FLNB: variants seen among roughly 807,000 people sequenced by gnomAD.
FLNB encodes filamin B, also known as filamin-B.
Under a neutral mutation model 250.6 loss-of-function variants are expected in FLNB, and 111 were observed. The ratio of observed to expected loss-of-function variants is 0.44; its 90% CI spans 0.38 to 0.52. The LOEUF (loss-of-function observed/expected upper bound fraction) is 0.52. Among genes scored for constraint, FLNB ranks in the 20% least tolerant of loss-of-function variants. The pLI, the probability that FLNB is intolerant of heterozygous loss-of-function variation, is 0.00. For missense variants in FLNB, 2,869 were observed against 3,447.8 expected (o/e 0.83, Z 4.20); for synonymous variants, 1,302 against 1,372.1 (o/e 0.95, Z 1.13).
intron 1 of FLNB, among the ~76,000 whole-genome samples, chr3:58,065,116 G>A (rs2097183698): frequency 6.6e-6 from 1 of 152,200 alleles, no homozygotes; most frequent in South Asian, 2.1e-4. Context: ...CAAGGGGACT[G>A]TGCTCTGTGT....
chr3:58,098,553 G>A (rs2097243163), intron 7 of FLNB, among the ~76,000 whole-genome samples, 158 bp from the exon 8 acceptor site: 1 of 152,044 alleles, frequency 6.6e-6, no homozygotes, highest in Non-Finnish European at 1.5e-5. Flanking sequence ...GGCTGGTCTC[G>A]AAATCCTGAC....
intron 1 of FLNB, 87 bp downstream of exon 1, chr3:58,008,943 C>T: frequency 6.6e-7 from 1 of 1,515,226 alleles, no homozygotes; most frequent in Non-Finnish European, 9.1e-7. Flanking sequence ...GGATTTCCCG[C>T]AGCGCGCCCC....
At position 58,123,365 on chromosome 3, in the gene FLNB, C is replaced by G. The variant is rs145697837; in HGVS notation, c.3399C>G (p.Pro1133=). 6 of 1,614,186 alleles carry G rather than the reference C, an allele frequency of 3.7e-6. No individual in the cohort carries two copies. The highest frequency in any genetic ancestry group is 5.1e-6 in the Non-Finnish European group (6 of 1,180,026). ...CTGACATTGAAATGCCCTTTGACCC[C>G]TCTAAAGTCGTGGCATCGGGGCCAG... ...FKADIEMPFD[P]SKVVASGPGL... The change falls in exon 21 of 46, where the codon CCC becomes CCG. Residue 1133 remains proline, a synonymous_variant. Transcript: ENST00000295956.
In FLNB at chr3:58,170,610, A is replaced by C. The variant is rs1559746835; in HGVS notation, c.7657A>C (p.Thr2553Pro). 1 of 1,614,032 alleles carries C rather than the reference A, an allele frequency of 6.2e-7. No individual in the cohort carries two copies. The highest frequency in any genetic ancestry group is 2.2e-5 in the East Asian group (1 of 44,874). The change falls in exon 46 of 46, where the codon ACC becomes CCC. Residue 2553 changes from threonine to proline, a missense_variant. Thr to Pro is a conservative substitution (Grantham distance 38). Transcript: ENST00000295956. ...GCTGCTGATCGGGGTCCATGGGCCC[A>C]CCACCCCCTGCGAGGAGGTCTCCAT... ...NMLLIGVHGP[T>P]TPCEEVSMKH...
chr3:58,086,313 G>A (rs1576691800), intron 4 of FLNB, among the ~76,000 whole-genome samples: 1 of 151,924 alleles, frequency 6.6e-6, no homozygotes, highest in African/African-American at 2.4e-5. Context: ...TTAGGTGTAT[G>A]TTTAAATCCA....
rs201517703 is a variant in FLNB at position 58,105,074 on chromosome 3, C to T, written c.1611-6C>T. 2 of 1,614,238 alleles carry T rather than the reference C, an allele frequency of 1.2e-6. No individual in the cohort carries two copies. The highest frequency in any genetic ancestry group is 8.5e-7 in the Non-Finnish European group (1 of 1,180,042). ...TTTGATGCTTCTTCTATTCCTTTCC[C>T]TGTAGCCCCTTTGAAGTTCAAGTTG... is the stretch of plus-strand genomic sequence containing the variant. On this transcript the variant is annotated splice_polypyrimidine_tract_variant and splice_region_variant and intron_variant, in intron 10 of 45. Coordinates refer to ENST00000295956, the MANE Select transcript of FLNB (RefSeq NM_001457.4).
chr3:58,077,827 C>T (rs2106948803), intron 2 of FLNB, among the ~76,000 whole-genome samples: 1 of 152,248 alleles, frequency 6.6e-6, no homozygotes, highest in Non-Finnish European at 1.5e-5. Flanking sequence ...ATGGGCTGCT[C>T]ATTTCTTAGT....
intron 1 of FLNB, among the ~76,000 whole-genome samples, chr3:58,055,286 C>G (rs968471018): frequency 6.6e-6 from 1 of 151,648 alleles, no homozygotes; most frequent in Non-Finnish European, 1.5e-5. Flanking sequence ...AAAACTTACT[C>G]TTTGGCCCTT....
intron 1 of FLNB, among the ~76,000 whole-genome samples, chr3:58,044,768 C>A (rs1392090720): frequency 2.0e-5 from 3 of 152,166 alleles, no homozygotes; most frequent in East Asian, 1.9e-4. Flanking sequence ...CACCTTGGGA[C>A]CCCCCTGAAC....
intron 4 of FLNB, among the ~76,000 whole-genome samples, chr3:58,093,324 C>G (rs1041087578): frequency 1.3e-5 from 2 of 152,174 alleles, no homozygotes; most frequent in Non-Finnish European, 1.5e-5. Flanking sequence ...AACCCAGAAG[C>G]TCTCTAAACT....
intron 41 of FLNB, among the ~76,000 whole-genome samples, 166 bp downstream of exon 41, chr3:58,156,241 C>T (rs903630355): frequency 2.0e-5 from 3 of 152,202 alleles, no homozygotes; most frequent in African/African-American, 4.8e-5. Context: ...GAGTCAACTC[C>T]CCATACACTT....
chr3:58,148,102 A>T (rs1355083262), intron 34 of FLNB, 104 bp from the exon 35 acceptor site: 1 of 1,176,192 alleles, frequency 8.5e-7, no homozygotes, highest in Admixed American at 1.8e-5. Flanking sequence ...ACTTTGTGTA[A>T]TTAGTTCTTG....
chr3:58,170,870 T>C lies in FLNB; in HGVS notation c.*108T>C. The C allele has an allele frequency of 3.0e-6, 3 of 996,788 alleles. No homozygotes were observed. The highest frequency in any genetic ancestry group is 3.1e-4 in the Middle Eastern group (1 of 3,274). 61.7% of individuals were successfully genotyped at this position (996,788 alleles called of 1,614,324 possible). On this transcript the variant is annotated 3_prime_UTR_variant, in exon 46 of 46. Transcript: ENST00000295956. ...GCCTGTTTGTGGGGCTGAAACCCCATCCCTAAAATATTGCTGTTGTAAAAT... is the reference window on the plus strand; with the variant it reads ...GCCTGTTTGTGGGGCTGAAACCCCACCCCTAAAATATTGCTGTTGTAAAAT...
intron 28 of FLNB, 72 bp downstream of exon 28, chr3:58,136,240 G>A (rs2097315696): frequency 1.3e-6 from 2 of 1,486,514 alleles, no homozygotes; most frequent in African/African-American, 1.4e-5. Context: ...GCCCTTCTCT[G>A]TGACTTACAA....
At chr3:58,118,150 G>A (rs1326389181) in intron 18 of FLNB, among the ~76,000 whole-genome samples, 3 of 152,214 alleles carry the variant, frequency 2.0e-5, no homozygotes, top group African/African-American at 7.2e-5. Context: ...CATGGCTATC[G>A]CGTGCCACCC....
chr3:58,143,869 T>C (rs973903796), intron 32 of FLNB, among the ~76,000 whole-genome samples: 1 of 152,196 alleles, frequency 6.6e-6, no homozygotes, highest in Non-Finnish European at 1.5e-5. Flanking sequence ...GTCACTACGC[T>C]GAGTGTGGCC....
intron 1 of FLNB, among the ~76,000 whole-genome samples, chr3:58,037,147 C>T (rs2097139289): frequency 1.3e-5 from 2 of 150,760 alleles, no homozygotes; most frequent in South Asian, 2.1e-4. Context: ...TCACTGCAAC[C>T]TCCGTCTCCA....
At chr3:58,166,726 G>T (rs2097371231) in intron 43 of FLNB, among the ~76,000 whole-genome samples, 1 of 152,162 alleles carries the variant, frequency 6.6e-6, no homozygotes, top group Non-Finnish European at 1.5e-5. Context: ...GGAGGCTGAG[G>T]CAGGAGGATG....
At chr3:58,063,787 C>T in intron 1 of FLNB, among the ~76,000 whole-genome samples, 1 of 152,128 alleles carries the variant, frequency 6.6e-6, no homozygotes, top group East Asian at 1.9e-4. Context: ...GCTGATTTCT[C>T]CCCTTTTAAA....
Sources: gnomAD v4.1 joint callset for allele counts (sites outside exome capture counted in the v4.1 genomes callset) on GRCh38, gnomAD v4.1.1 for gene constraint, MANE v1.5 for transcripts, NCBI Gene and HGNC (gene_info 2026-07-23, HGNC 2026-07-21) for gene names.